Variants in RBFOX1 observed in about 807,000 individuals in gnomAD.
The protein encoded by RBFOX1 is RNA binding fox-1 homolog 1.
RBFOX1 carries 8 observed loss-of-function variants against 57.7 expected under a neutral mutation model. That is an observed-to-expected ratio of 0.14 (90% CI 0.08 to 0.25). RBFOX1 has a LOEUF of 0.25. Among genes scored for constraint, RBFOX1 ranks in the 10% least tolerant of loss-of-function variants. The pLI, the probability that RBFOX1 is intolerant of heterozygous loss-of-function variation, is 1.00. For synonymous variants in RBFOX1, 326 were observed against 222.4 expected, an observed-to-expected ratio of 1.47 and a Z score of -4.15; for missense variants, 611 against 548.5, an observed-to-expected ratio of 1.11 and a Z score of -1.14.
At chr16:6,933,491 T>A (rs1718233542) in intron 3 of RBFOX1, among the ~76,000 whole-genome samples, 1 of 152,200 alleles carries the variant, frequency 6.6e-6, no homozygotes, top group South Asian at 2.1e-4. Flanking sequence ...GGCAGGCAGA[T>A]CACCTGAGGT....
chr16:5,390,591 A>C (rs1294463296), intron 1 of RBFOX1, among the ~76,000 whole-genome samples: 2 of 152,108 alleles, frequency 1.3e-5, no homozygotes, highest in Non-Finnish European at 2.9e-5. Context: ...GCCTGGCCTC[A>C]TATATTATTT....
At chr16:5,466,494 C>T (rs1455044299) in intron 1 of RBFOX1, among the ~76,000 whole-genome samples, 1 of 152,166 alleles carries the variant, frequency 6.6e-6, no homozygotes, top group South Asian at 2.1e-4. Flanking sequence ...TCAGAGAGTA[C>T]TCACAGAGTG....
At chr16:7,499,511 T>C (rs941658127) in intron 4 of RBFOX1, among the ~76,000 whole-genome samples, 5 of 152,152 alleles carry the variant, frequency 3.3e-5, no homozygotes, top group African/African-American at 4.8e-5. Context: ...ATGTGTTCAA[T>C]AAATTCAAGT....
At position 6,848,779 on chromosome 16, in the gene RBFOX1, G is replaced by A. The variant is rs372001285; in HGVS notation, c.-16+194129G>A. ...TTGCCAAGTAGAAGAAACTCAGCAGGCAGCATTTAAAGAGAAAGTTTCACA... is the reference window on the plus strand; with the variant it reads ...TTGCCAAGTAGAAGAAACTCAGCAGACAGCATTTAAAGAGAAAGTTTCACA... On this transcript the variant is annotated intron_variant, in intron 3 of 15. Transcript: ENST00000550418. 5.9e-5 allele frequency among the ~76,000 whole-genome samples: 9 copies of A among 152,224 alleles called. 1 individual carries two copies. The highest frequency in any genetic ancestry group is 1.9e-4 in the East Asian group (1 of 5,158).
chr16:7,411,921 AAAAGAT>A (rs1199162645), intron 4 of RBFOX1, among the ~76,000 whole-genome samples: 2 of 141,594 alleles, frequency 1.4e-5, no homozygotes, highest in African/African-American at 2.5e-5. Flanking sequence ...AAAAAAAAAA[AAAAGAT>A]AGGGAAAATC....
chr16:7,351,600 C>T (rs927117851), intron 4 of RBFOX1, among the ~76,000 whole-genome samples: 1 of 152,198 alleles, frequency 6.6e-6, no homozygotes, highest in South Asian at 2.1e-4. Context: ...TGATACTCTG[C>T]TCTTGAGCTC....
intron 2 of RBFOX1, among the ~76,000 whole-genome samples, chr16:6,410,268 C>T (rs927286757): frequency 5.5e-5 from 8 of 146,378 alleles, no homozygotes; most frequent in Admixed American, 4.8e-4. Context: ...TAGCCTTCTC[C>T]TTGGGGTGTC....
intron 3 of RBFOX1, among the ~76,000 whole-genome samples, chr16:6,840,720 CTA>C (rs2093410660): frequency 6.6e-6 from 1 of 151,856 alleles, no homozygotes; most frequent in Non-Finnish European, 1.5e-5. Flanking sequence ...AACCCCGTCT[CTA>C]CTACAAATAC....
At chr16:5,676,002 C>A (rs1465446010) in intron 3 of RBFOX1, among the ~76,000 whole-genome samples, 5 of 152,072 alleles carry the variant, frequency 3.3e-5, no homozygotes, top group African/African-American at 1.2e-4. Context: ...GAAGGCATCG[C>A]ATGTTCTCAG....
intron 4 of RBFOX1, among the ~76,000 whole-genome samples, chr16:7,118,078 C>G (rs2066303160): frequency 1.3e-5 from 2 of 152,064 alleles, no homozygotes; most frequent in South Asian, 4.1e-4. Flanking sequence ...ACTTGTATTC[C>G]TTTGGGTAGA....
intron 2 of RBFOX1, among the ~76,000 whole-genome samples, chr16:6,458,396 G>C (rs1022574331): frequency 7.2e-5 from 11 of 152,184 alleles, no homozygotes; most frequent in African/African-American, 1.9e-4. Context: ...TATTAATGAA[G>C]ATAGCCGTAG....
chr16:6,671,868 T>C (rs1230787068), intron 3 of RBFOX1, among the ~76,000 whole-genome samples: 1 of 152,244 alleles, frequency 6.6e-6, no homozygotes, highest in Non-Finnish European at 1.5e-5. Flanking sequence ...CATGAAATTT[T>C]TGTGTGCCAT....
chr16:7,152,088 C>G (rs879460448), intron 4 of RBFOX1, among the ~76,000 whole-genome samples: 62 of 152,170 alleles, frequency 4.1e-4, no homozygotes, highest in African/African-American at 1.4e-3. Context: ...TGAAGCAAAG[C>G]AAAACCTTCT....
At chr16:5,969,800 T>A (rs771286062) in intron 4 of RBFOX1, among the ~76,000 whole-genome samples, 3 of 152,064 alleles carry the variant, frequency 2.0e-5, no homozygotes, top group African/African-American at 7.2e-5. Flanking sequence ...ATTTGGACTT[T>A]GTTTCATTTT....
intron 4 of RBFOX1, among the ~76,000 whole-genome samples, chr16:7,327,656 C>A (rs951082378): frequency 2.0e-5 from 3 of 152,140 alleles, no homozygotes; most frequent in African/African-American, 7.2e-5. Context: ...TTGGGTTGAT[C>A]CTACAGTGAG....
At chr16:6,284,450 C>A (rs547897094) in intron 1 of RBFOX1, among the ~76,000 whole-genome samples, 1 of 152,124 alleles carries the variant, frequency 6.6e-6, no homozygotes, top group African/African-American at 2.4e-5. Context: ...TCATTCACAA[C>A]CAGTGTTGAG....
intron 3 of RBFOX1, among the ~76,000 whole-genome samples, chr16:5,613,068 A>C (rs2047881685): frequency 6.6e-6 from 1 of 152,108 alleles, no homozygotes; most frequent in African/African-American, 2.4e-5. Context: ...GAGGGCCCTG[A>C]TGGGTTTTCA....
At chr16:5,918,835 G>T (rs751303049) in intron 4 of RBFOX1, among the ~76,000 whole-genome samples, 23 of 152,218 alleles carry the variant, frequency 1.5e-4, no homozygotes, top group Non-Finnish European at 2.6e-4. Context: ...CTTGGCCAGA[G>T]TAAGAAGCAA....
At chr16:5,383,894 C>A (rs553579945) in intron 1 of RBFOX1, among the ~76,000 whole-genome samples, 23 of 152,300 alleles carry the variant, frequency 1.5e-4, no homozygotes, top group Admixed American at 3.3e-4. Context: ...TCAGGTAAGG[C>A]TTGATCTAGG....
Sources: gnomAD v4.1 joint callset for allele counts (sites outside exome capture counted in the v4.1 genomes callset) on GRCh38, gnomAD v4.1.1 for gene constraint, MANE v1.5 for transcripts, NCBI Gene and HGNC (gene_info 2026-07-23, HGNC 2026-07-21) for gene names.